Variants in ABLIM1 observed in about 807,000 individuals in gnomAD.
ABLIM1 encodes actin-binding LIM protein 1.
Under a neutral mutation model 107.0 loss-of-function variants are expected in ABLIM1, and 40 were observed. The observed-to-expected ratio is 0.37, with a 90% CI of 0.29 to 0.49. ABLIM1 has a LOEUF of 0.49. Among genes scored for constraint, ABLIM1 ranks in the 20% least tolerant of loss-of-function variants. The pLI is 0.97. For missense variants in ABLIM1, 857 were observed against 1,008.5 expected, an observed-to-expected ratio of 0.85 and a Z score of 2.04; for synonymous variants, 357 against 357.3, an observed-to-expected ratio of 1.00 and a Z score of 0.01.
intron 1 of ABLIM1, among the ~76,000 whole-genome samples, chr10:114,714,997 G>A (rs927237260): frequency 6.6e-6 from 1 of 151,798 alleles, no homozygotes; most frequent in Admixed American, 6.6e-5. Flanking sequence ...CACTCTCAAA[G>A]GAAGAAGGAG....
At chr10:114,656,452 G>A (rs1389654676) in intron 1 of ABLIM1, among the ~76,000 whole-genome samples, 1 of 151,914 alleles carries the variant, frequency 6.6e-6, no homozygotes, top group Non-Finnish European at 1.5e-5. Flanking sequence ...CCACACCTAG[G>A]TATACACCCA....
chr10:114,749,587 A>G (rs1008580872), intron 1 of ABLIM1, among the ~76,000 whole-genome samples: 2 of 152,088 alleles, frequency 1.3e-5, no homozygotes, highest in African/African-American at 4.8e-5. Flanking sequence ...TCTTCAGGTC[A>G]ACATTTAACC....
At chr10:114,601,999 A>C in intron 1 of ABLIM1, 38 bp from the exon 2 acceptor site, 1 of 1,609,494 alleles carries the variant, frequency 6.2e-7, no homozygotes, top group Non-Finnish European at 8.5e-7. Flanking sequence ...GTGAGTAGAG[A>C]GCATTCCTGC....
chr10:114,791,563 G>C, the ABLIM1 span, among the ~76,000 whole-genome samples: 1 of 151,866 alleles, frequency 6.6e-6, no homozygotes, highest in Admixed American at 6.6e-5. Flanking sequence ...GCGTGAACCT[G>C]GGAGGGGGAG....
chr10:114,728,468 A>T (rs2082004958), intron 1 of ABLIM1, among the ~76,000 whole-genome samples: 1 of 150,000 alleles, frequency 6.7e-6, no homozygotes, highest in Non-Finnish European at 1.5e-5. Flanking sequence ...ATCCATCAAC[A>T]TTAAGAATGG....
intron 6 of ABLIM1, among the ~76,000 whole-genome samples, chr10:114,512,222 A>G (rs1388927376): frequency 3.3e-5 from 5 of 152,246 alleles, no homozygotes; most frequent in Non-Finnish European, 7.3e-5. Context: ...AAAAGGGCTG[A>G]AATTAGCGAA....
intron 1 of ABLIM1, among the ~76,000 whole-genome samples, chr10:114,640,398 G>C (rs1034437163): frequency 4.6e-5 from 7 of 152,142 alleles, no homozygotes; most frequent in Admixed American, 3.3e-4. Flanking sequence ...ATGGTGACGG[G>C]TACCTGTAGT....
At chr10:114,519,508 C>A (rs1215145782) in intron 6 of ABLIM1, among the ~76,000 whole-genome samples, 1 of 152,140 alleles carries the variant, frequency 6.6e-6, no homozygotes, top group Non-Finnish European at 1.5e-5. Context: ...CAAGTGTGAA[C>A]AATGAATCAG....
At chr10:114,793,353 G>A in the ABLIM1 span, among the ~76,000 whole-genome samples, 1 of 151,820 alleles carries the variant, frequency 6.6e-6, no homozygotes, top group Non-Finnish European at 1.5e-5. Context: ...CTCTTGCCTT[G>A]GCCATGTGAC....
intron 4 of ABLIM1, among the ~76,000 whole-genome samples, chr10:114,569,396 T>C (rs1467822574): frequency 1.3e-5 from 2 of 152,028 alleles, no homozygotes; most frequent in Non-Finnish European, 2.9e-5. Context: ...CTCGGCTCAC[T>C]GCAACCTCTG....
rs1255234033 is a variant in ABLIM1 at position 114,644,307 on chromosome 10, ATAT to A, written c.244+13647_244+13649del. Among the ~76,000 whole-genome samples the A allele has an allele frequency of 1.2e-3, 39 of 33,506 alleles. 2 individuals are homozygous for A. The highest frequency in any genetic ancestry group is 4.4e-3 in the African/African-American group (33 of 7,444). The allele number at this position is 33,506 out of a possible 152,430, so 22.0% of individuals were successfully genotyped here. ...AAAAAAAAAAAAAAAAAAAAAAAAA[ATAT>A]ATATATATATATATATATATGTGTA... is the stretch of plus-strand genomic sequence containing the variant. On this transcript the variant is annotated intron_variant, in intron 1 of 22. Coordinates refer to ENST00000533213, the MANE Select transcript of ABLIM1 (RefSeq NM_002313.7).
chr10:114,509,150 C>T (rs1021416184), intron 6 of ABLIM1, among the ~76,000 whole-genome samples: 1 of 152,134 alleles, frequency 6.6e-6, no homozygotes, highest in Non-Finnish European at 1.5e-5. Flanking sequence ...AACCGCACAC[C>T]CTGGAGCTAC....
At chr10:114,520,604 C>T (rs901282802) in intron 6 of ABLIM1, among the ~76,000 whole-genome samples, 6 of 151,490 alleles carry the variant, frequency 4.0e-5, no homozygotes, top group Non-Finnish European at 8.8e-5. Context: ...GATTTGTTTA[C>T]ATAAGAAGAA....
intron 12 of ABLIM1, among the ~76,000 whole-genome samples, chr10:114,454,648 G>A (rs999594821): frequency 2.6e-5 from 4 of 152,186 alleles, no homozygotes; most frequent in African/African-American, 9.6e-5. Context: ...CTGACCAGGA[G>A]AATGGCCAAG....
intron 6 of ABLIM1, 81 bp from the exon 7 acceptor site, chr10:114,491,959 A>G: frequency 8.7e-7 from 1 of 1,155,758 alleles, no homozygotes; most frequent in Non-Finnish European, 1.2e-6. Context: ...ATGATTTAGA[A>G]GAAAAGAGAG....
At chr10:114,798,558 C>CCA in the ABLIM1 span, among the ~76,000 whole-genome samples, 9 of 135,522 alleles carry the variant, frequency 6.6e-5, 1 homozygote, top group Non-Finnish European at 1.1e-4. Flanking sequence ...ATGATGAGAC[C>CCA]CCCCCCCCAT....
At chr10:114,550,794 A>AT (rs1388665989) in intron 4 of ABLIM1, among the ~76,000 whole-genome samples, 1 of 152,110 alleles carries the variant, frequency 6.6e-6, no homozygotes. Context: ...GAAATGGACA[A>AT]TTTTTTAATC....
At chr10:114,591,817 T>C (rs1457929415) in intron 2 of ABLIM1, among the ~76,000 whole-genome samples, 3 of 152,164 alleles carry the variant, frequency 2.0e-5, no homozygotes, top group Admixed American at 2.0e-4. Context: ...CATTATATAC[T>C]TCCTGGTTGA....
chr10:114,444,129 G>A lies in ABLIM1; in HGVS notation c.1833C>T (p.Asn611=). Reference sequence around the variant, plus strand: ...TCAAGATCAACTGTCCCAGGCCTGAGTTAAGCTATTCACAGAAAAAAGGAA... The same window carrying A: ...TCAAGATCAACTGTCCCAGGCCTGAATTAAGCTATTCACAGAAAAAAGGAA... ...QLQEEQLMKL[N]SGLGQLILKE... The change falls in exon 17 of 23, where the codon AAC becomes AAT. Residue 611 remains asparagine (N), a synonymous_variant. Coordinates refer to ENST00000533213, the MANE Select transcript of ABLIM1 (RefSeq NM_002313.7). 5 of 1,538,730 alleles carry A rather than the reference G, an allele frequency of 3.2e-6. No individual in the cohort carries two copies. The highest frequency in any genetic ancestry group is 4.4e-6 in the Non-Finnish European group (5 of 1,136,306).
Sources: gnomAD v4.1 joint callset for allele counts (sites outside exome capture counted in the v4.1 genomes callset) on GRCh38, gnomAD v4.1.1 for gene constraint, MANE v1.5 for transcripts, NCBI Gene and HGNC (gene_info 2026-07-23, HGNC 2026-07-21) for gene names.